Variants in ABCC1 observed in about 807,000 individuals in gnomAD.
ABCC1 encodes the protein ATP binding cassette subfamily C member 1 (ABCC1 blood group).
ABCC1 carries 83 observed loss-of-function variants against 172.9 expected under a neutral mutation model. The observed-to-expected ratio is 0.48, with a 90% CI of 0.40 to 0.58. The LOEUF (loss-of-function observed/expected upper bound fraction) is 0.58, where lower values mean the gene tolerates loss of function less well. Among genes scored for constraint, ABCC1 ranks in the 20% least tolerant of loss-of-function variants. The pLI, the probability that ABCC1 is intolerant of heterozygous loss-of-function variation, is 0.00. For synonymous variants in ABCC1, 937 were observed against 825.2 expected (o/e 1.14, Z -2.32); for missense variants, 1,817 against 2,002.7 (o/e 0.91, Z 1.77).
intron 7 of ABCC1, among the ~76,000 whole-genome samples, chr16:16,037,649 C>T (rs1368246359): frequency 6.6e-6 from 1 of 152,114 alleles, no homozygotes; most frequent in Non-Finnish European, 1.5e-5. Context: ...AAGTTTACTA[C>T]GATAAACTGT....
intron 4 of ABCC1, 104 bp downstream of exon 4, chr16:16,014,732 G>T: frequency 7.2e-7 from 1 of 1,397,606 alleles, no homozygotes; most frequent in South Asian, 1.3e-5. Context: ...TGGGAACCAG[G>T]GGCTGGGTAC....
chr16:16,131,164 T>C (rs148521434), intron 26 of ABCC1, among the ~76,000 whole-genome samples: 3 of 152,216 alleles, frequency 2.0e-5, no homozygotes, highest in African/African-American at 4.8e-5. Context: ...TGTACAATTA[T>C]TTTAAAAGAA....
rs368427800 is a variant in ABCC1 at position 16,044,570 on chromosome 16, C to A, written c.930C>A (p.Asn310Lys). 9 of 1,614,124 alleles carry A rather than the reference C, an allele frequency of 5.6e-6. No homozygotes were observed. The South Asian group carries it at 9.9e-5, about 18-fold the overall frequency. Residue 310 changes from asparagine (N) to lysine (K), a missense_variant, in exon 8 of 31, where the codon AAC becomes AAA. Asn to Lys is a moderately conservative substitution (Grantham distance 94). Coordinates refer to ENST00000399410, the MANE Select transcript of ABCC1 (RefSeq NM_004996.4). ...TCAAGTCCCCACAGAAGGAGTGGAA[C>A]CCCTCTCTGTTTAAGGTGTTATACA... ...LIVKSPQKEW[N>K]PSLFKVLYKT...
At position 15,991,301 on chromosome 16, in the gene ABCC1, C is replaced by CT. The variant is rs1669001486; in HGVS notation, c.49-16514dup. 2.0e-5 allele frequency among the ~76,000 whole-genome samples: 3 copies of CT among 151,894 alleles called. No individual in the cohort carries two copies. In the South Asian group the frequency reaches 6.3e-4, roughly 32 times the overall value. On this transcript the variant is annotated intron_variant, in intron 1 of 30. Coordinates refer to ENST00000399410, the MANE Select transcript of ABCC1 (RefSeq NM_004996.4). ...TGTGTGTGTGGTGGGGTGCGGGGGG[C>CT]TATGGGTATGTGGTGGGGTGAATCT...
intron 7 of ABCC1, among the ~76,000 whole-genome samples, chr16:16,040,047 GTTGTTTGT>G (rs201830811): frequency 1.3e-5 from 2 of 148,196 alleles, no homozygotes; most frequent in African/African-American, 5.0e-5. Context: ...CGTGAGTTCT[GTTGTTTGT>G]TTGTTTGTTT....
At chr16:16,073,055 A>ATAAT (rs751748370) in intron 14 of ABCC1, among the ~76,000 whole-genome samples, 3 of 143,864 alleles carry the variant, frequency 2.1e-5, no homozygotes, top group South Asian at 4.4e-4. Flanking sequence ...AAAAAAAAAA[A>ATAAT]AATAATAATA....
In ABCC1 at chr16:16,086,967, C is replaced by G. The variant is rs547627005; in HGVS notation, c.2436C>G (p.Gly812=). Residue 812 remains glycine, a synonymous_variant, in exon 18 of 31, where the codon GGC becomes GGG. Coordinates refer to ENST00000399410, the MANE Select transcript of ABCC1 (RefSeq NM_004996.4). ...AACACATCTTTGAAAATGTGATTGG[C>G]CCCAAGGGGATGCTGAAGAACAAGG... ...VGKHIFENVI[G]PKGMLKNKTR... 1.9e-6 allele frequency: 3 copies of G among 1,614,026 alleles called. No individual in the cohort carries two copies. In the African/African-American group the frequency reaches 4.0e-5, roughly 22 times the overall value.
At chr16:15,976,781 C>G (rs1471128752) in intron 1 of ABCC1, among the ~76,000 whole-genome samples, 4 of 152,178 alleles carry the variant, frequency 2.6e-5, no homozygotes, top group African/African-American at 9.7e-5. Flanking sequence ...ATTCTATCTT[C>G]CCAACATTGT....
In ABCC1 at chr16:16,104,518, A is replaced by G. The variant is rs570902932; in HGVS notation, c.2735+1801A>G. Among the ~76,000 whole-genome samples, 15 of 152,246 alleles carry G rather than the reference A, an allele frequency of 9.9e-5. No homozygotes were observed. The South Asian group carries it at 3.1e-3, about 32-fold the overall frequency. ...TGTTTACAAACCTTGAGCTAGATAC[A>G]GAGTGCTGATTGGTGTATTTACAAT... On this transcript the variant is annotated intron_variant, in intron 20 of 30. Coordinates refer to ENST00000399410, the MANE Select transcript of ABCC1 (RefSeq NM_004996.4).
At chr16:16,112,008 A>G (rs3851717) in intron 22 of ABCC1, among the ~76,000 whole-genome samples, 73,365 of 151,896 alleles carry the variant, frequency 0.48, 18,097 homozygotes, top group Admixed American at 0.59. Flanking sequence ...GTTGTCCCTC[A>G]GGGATGTTTG....
chr16:16,089,048 A>G (rs2051131507), intron 18 of ABCC1, among the ~76,000 whole-genome samples: 1 of 152,136 alleles, frequency 6.6e-6, no homozygotes. Context: ...TCAACTCGGC[A>G]GGGCTGAGTT....
rs1328394241 is a variant in ABCC1 at position 16,056,984 on chromosome 16, G to C, written c.1677+689G>C. 1.3e-5 allele frequency among the ~76,000 whole-genome samples: 2 copies of C among 152,052 alleles called. 1 individual carries two copies. The highest frequency in any genetic ancestry group is 2.9e-5 in the Non-Finnish European group (2 of 68,000). ...TATTTTGTCACCAACTGGTCACAAA[G>C]TGTGGATTGTCAGTGTCTCATAGGC... On this transcript the variant is annotated intron_variant, in intron 12 of 30. Transcript: ENST00000399410.
intron 22 of ABCC1, among the ~76,000 whole-genome samples, chr16:16,114,096 T>C (rs2044740096): frequency 6.6e-6 from 1 of 152,146 alleles, no homozygotes; most frequent in African/African-American, 2.4e-5. Flanking sequence ...TAGAAGAATA[T>C]GGCATGGGGA....
chr16:16,138,474 T>C lies in ABCC1; in HGVS notation c.4403T>C (p.Ile1468Thr), dbSNP rs776610751. 6.2e-7 allele frequency: 1 copy of C among 1,613,382 alleles called. No homozygotes were observed. Residue 1468 changes from isoleucine to threonine, a missense_variant, in exon 30 of 31, where the codon ATC (isoleucine) becomes ACC (threonine). Transcript: ENST00000399410. The stretch of plus-strand genomic sequence containing the variant: ...GTGGACCTGGAAACGGACGACCTCA[T>C]CCAGTCCACCATCCGGACACAGTTC... ...AAVDLETDDL[I>T]QSTIRTQFED...
At chr16:16,115,748 G>A (rs953211569) in intron 23 of ABCC1, among the ~76,000 whole-genome samples, 7 of 152,006 alleles carry the variant, frequency 4.6e-5, no homozygotes, top group African/African-American at 9.7e-5. Flanking sequence ...TAAGATAGAC[G>A]TTTTCTTTTT....
At chr16:16,139,611 C>CAAAAAAGA (rs1702618705) in intron 30 of ABCC1, among the ~76,000 whole-genome samples, 1 of 57,348 alleles carries the variant, frequency 1.7e-5, no homozygotes, top group African/African-American at 8.0e-5. Context: ...GACTCCATCT[C>CAAAAAAGA]AAAAAAAAAA....
intron 23 of ABCC1, among the ~76,000 whole-genome samples, chr16:16,120,689 C>T (rs749216939): frequency 1.3e-5 from 2 of 151,960 alleles, no homozygotes; most frequent in Non-Finnish European, 1.5e-5. Flanking sequence ...ACGGGATGGG[C>T]ATGGTGGGTG....
chr16:16,141,415 C>T lies in ABCC1; in HGVS notation c.*134C>T, dbSNP rs1314604249. 5.2e-6 allele frequency: 4 copies of T among 764,752 alleles called. No homozygotes were observed. The highest frequency in any genetic ancestry group is 8.5e-6 in the Non-Finnish European group (4 of 472,700). 47.4% of individuals were successfully genotyped at this position (764,752 alleles called of 1,614,324 possible). A position where few individuals can be genotyped will look rare whatever the true frequency, so the allele number is the denominator to read the frequency against. ...AAAAACCAAACCCAGACAACCAAAA[C>T]ATATTCAAAGCAGCAGCCACCGCCA... On this transcript the variant is annotated 3_prime_UTR_variant, in exon 31 of 31. Coordinates refer to ENST00000399410, the MANE Select transcript of ABCC1 (RefSeq NM_004996.4).
chr16:16,048,334 G>T (rs968409338), intron 10 of ABCC1, 31 bp downstream of exon 10: 4 of 1,611,450 alleles, frequency 2.5e-6, no homozygotes, highest in South Asian at 2.2e-5. Context: ...CCCTTTGCAT[G>T]CAGGGAGGGA....
Sources: allele counts gnomAD v4.1 joint callset (sites outside exome capture counted in the v4.1 genomes callset), GRCh38; gene constraint gnomAD v4.1.1; transcripts MANE v1.5; gene names NCBI Gene and HGNC (gene_info 2026-07-23, HGNC 2026-07-21).